Variants in FBXW8 observed in about 807,000 individuals in gnomAD.
The protein encoded by FBXW8 is F-box and WD repeat domain containing 8, also known as F-box/WD repeat-containing protein 8.
In FBXW8, 57 loss-of-function variants were observed where a neutral mutation model predicts 65.3. The ratio of observed to expected loss-of-function variants is 0.87; its 90% CI spans 0.71 to 1.09. The LOEUF (loss-of-function observed/expected upper bound fraction) is 1.09. FBXW8 is among the 50% of genes least tolerant of loss of function. The pLI, the probability that FBXW8 is intolerant of heterozygous loss-of-function variation, is 0.00. For synonymous variants in FBXW8, 308 were observed against 330.2 expected (o/e 0.93, Z 0.73); for missense variants, 777 against 814.8 (o/e 0.95, Z 0.57).
intron 7 of FBXW8, chr12:117,003,063 A>C (rs774324972): frequency 2.4e-4 from 36 of 152,332 alleles, no homozygotes; most frequent in Middle Eastern, 6.8e-3. Context: ...AAGGAGCATC[A>C]CTAGTCTTGT....
At chr12:116,984,237 A>G (rs1040941768) in intron 5 of FBXW8, among the ~76,000 whole-genome samples, 1 of 152,208 alleles carries the variant, frequency 6.6e-6, no homozygotes, top group Non-Finnish European at 1.5e-5. Flanking sequence ...CCTGTAGACC[A>G]CTGGTCCTAA....
intron 4 of FBXW8, chr12:116,950,630 G>A (rs1166958305): frequency 2.6e-5 from 4 of 152,228 alleles, no homozygotes; most frequent in African/African-American, 9.6e-5. Context: ...CAGTGCCTAT[G>A]AAAAAAAGTA....
Position 116,985,140 on chromosome 12 carries a change from T to A in FBXW8, c.836-66T>A, listed in dbSNP as rs189883543. Reference sequence around the variant, plus strand: ...AAAAATTTTCCTTTGTGTTGCATGTTTTTAAAATAATTGAACATATTAAGT... The same window carrying A: ...AAAAATTTTCCTTTGTGTTGCATGTATTTAAAATAATTGAACATATTAAGT... On this transcript the variant is annotated intron_variant, in intron 5 of 10. Coordinates refer to ENST00000652555, the MANE Select transcript of FBXW8 (RefSeq NM_153348.3). The A allele has an allele frequency of 4.1e-4, 586 of 1,426,638 alleles. No homozygotes were observed. In the African/African-American group the frequency reaches 7.2e-3, roughly 18 times the overall value. The allele number at this position is 1,426,638 out of a possible 1,614,324, so 88.4% of individuals were successfully genotyped here. A position where few individuals can be genotyped will look rare whatever the true frequency, so the allele number is the denominator to read the frequency against.
chr12:116,911,018 G>C lies in FBXW8; in HGVS notation c.-20G>C. 1 of 1,391,730 alleles carries C rather than the reference G, an allele frequency of 7.2e-7. No individual in the cohort carries two copies. The highest frequency in any genetic ancestry group is 9.3e-7 in the Non-Finnish European group (1 of 1,078,854). The allele number at this position is 1,391,730 out of a possible 1,614,324, so 86.2% of individuals were successfully genotyped here. A position where few individuals can be genotyped will look rare whatever the true frequency, so the allele number is the denominator to read the frequency against. On this transcript the variant is annotated 5_prime_UTR_variant, in exon 1 of 11. Coordinates refer to ENST00000652555, the MANE Select transcript of FBXW8 (RefSeq NM_153348.3). ...ACCCGGTGGAACCGAGGAGAACGTG[G>C]AGCGCCGGGAGCGGCGAATATGGAC...
chr12:116,927,147 G>A (rs1755416001), intron 1 of FBXW8, among the ~76,000 whole-genome samples: 1 of 152,162 alleles, frequency 6.6e-6, no homozygotes, highest in South Asian at 2.1e-4. Context: ...GCTTTGGCAG[G>A]TGGATTGGGA....
intron 5 of FBXW8, among the ~76,000 whole-genome samples, chr12:116,969,865 G>C (rs1884547135): frequency 6.6e-6 from 1 of 152,034 alleles, no homozygotes. Context: ...CCACAGTTGT[G>C]ATTTTTTGAA....
chr12:116,949,912 A>G, intron 4 of FBXW8: 2 of 551,742 alleles, frequency 3.6e-6, no homozygotes, highest in Non-Finnish European at 6.5e-6. Context: ...CATGGTGTAG[A>G]GCGGATCTGT....
chr12:117,001,519 A>G (rs1953519485), intron 7 of FBXW8, among the ~76,000 whole-genome samples: 1 of 152,176 alleles, frequency 6.6e-6, no homozygotes, highest in African/African-American at 2.4e-5. Flanking sequence ...TGAGCATCTC[A>G]TGGTAACCTT....
rs1953775217 is a variant in FBXW8, at chr12:117,010,384, ACTT to A, written c.1303_1305del (p.Phe435del). 1 of 1,614,100 alleles carries A rather than the reference ACTT, an allele frequency of 6.2e-7. No homozygotes were observed. The highest frequency in any genetic ancestry group is 8.5e-7 in the Non-Finnish European group (1 of 1,180,052). ...TTGAAGCTGGGTAACGTTCTCCGTG[ACTT>A]CACGTGTGTCAACCTCAGCGACAGC... On this transcript the variant is annotated inframe_deletion, in exon 8 of 11. Coordinates refer to ENST00000652555, the MANE Select transcript of FBXW8 (RefSeq NM_153348.3).
At chr12:116,949,386 C>T (rs1883124800) in intron 3 of FBXW8, 2 of 542,534 alleles carry the variant, frequency 3.7e-6, no homozygotes, top group South Asian at 2.1e-5. Context: ...ATGTCTCACA[C>T]GTCCTGTGTC....
At chr12:116,964,229 G>A (rs1329597806) in intron 4 of FBXW8, among the ~76,000 whole-genome samples, 1 of 152,236 alleles carries the variant, frequency 6.6e-6, no homozygotes, top group South Asian at 2.1e-4. Context: ...CAAATCTGAT[G>A]CATGGATGAG....
intron 5 of FBXW8, among the ~76,000 whole-genome samples, chr12:116,975,927 G>C (rs1052451468): frequency 6.6e-6 from 1 of 152,186 alleles, no homozygotes; most frequent in East Asian, 1.9e-4. Context: ...AAATATGCTG[G>C]TAAGAGGACA....
intron 3 of FBXW8, chr12:116,948,879 C>A: frequency 6.6e-6 from 1 of 152,420 alleles, no homozygotes; most frequent in Middle Eastern, 3.4e-3. Context: ...CTCATCCTCT[C>A]AAATAGTTGG....
At position 117,014,137 on chromosome 12, in the gene FBXW8, G is replaced by A. The variant is rs190160306; in HGVS notation, c.1367+3687G>A. 1.8e-3 allele frequency among the ~76,000 whole-genome samples: 276 copies of A among 152,108 alleles called. 6 individuals are homozygous for A. The highest frequency in any genetic ancestry group is 1.9e-3 in the Non-Finnish European group (128 of 67,996). ...TGTTCTTTCCCAAACCTTTCTTTCT[G>A]TTCTTCAGGCTGCATCATCTCCGTT... On this transcript the variant is annotated intron_variant, in intron 8 of 10. Transcript: ENST00000652555.
chr12:116,988,749 C>G lies in FBXW8; in HGVS notation c.1119C>G (p.Ala373=). 1.2e-6 allele frequency: 2 copies of G among 1,614,140 alleles called. No homozygotes were observed. Among genetic ancestry groups the G allele is most frequent in the Non-Finnish European group, 8.5e-7 (1 of 1,180,038 alleles). Reference sequence around the variant, plus strand: ...GAGATCTGATGTACCTGCTCAAAGCCGAAGACTCCGCCAGAACCCTCCTTT... The same window carrying G: ...GAGATCTGATGTACCTGCTCAAAGCGGAAGACTCCGCCAGAACCCTCCTTT... ...AAGDLMYLLK[A]EDSARTLLYA... is the part of the protein sequence containing the mutation. Residue 373 remains alanine, a synonymous_variant, in exon 7 of 11, where the codon GCC becomes GCG. Transcript: ENST00000652555.
intron 7 of FBXW8, among the ~76,000 whole-genome samples, chr12:117,004,363 A>G (rs1054548609): frequency 3.9e-5 from 6 of 152,220 alleles, no homozygotes; most frequent in Admixed American, 3.9e-4. Context: ...TGTCTCACAT[A>G]TGATATATCA....
At chr12:116,915,544 C>T (rs967547084) in intron 1 of FBXW8, among the ~76,000 whole-genome samples, 2 of 152,090 alleles carry the variant, frequency 1.3e-5, no homozygotes, top group African/African-American at 4.8e-5. Flanking sequence ...TGTTCCCTTC[C>T]ACCCAAGGGT....
At chr12:117,011,904 G>T (rs1227969351) in intron 8 of FBXW8, among the ~76,000 whole-genome samples, 1 of 152,204 alleles carries the variant, frequency 6.6e-6, no homozygotes, top group Non-Finnish European at 1.5e-5. Context: ...AGCAAAACTT[G>T]AATTTGCAGC....
intron 10 of FBXW8, among the ~76,000 whole-genome samples, chr12:117,027,799 C>G (rs1954269585): frequency 6.6e-6 from 1 of 152,240 alleles, no homozygotes; most frequent in Non-Finnish European, 1.5e-5. Flanking sequence ...GGCCCGCCCT[C>G]TTGAGTCCTT....
Sources: allele counts gnomAD v4.1 joint callset (sites outside exome capture counted in the v4.1 genomes callset), GRCh38; gene constraint gnomAD v4.1.1; transcripts MANE v1.5; gene names NCBI Gene and HGNC (gene_info 2026-07-23, HGNC 2026-07-21).